LRP8: variants seen among roughly 807,000 people sequenced by gnomAD.
LRP8 encodes low-density lipoprotein receptor-related protein 8.
In LRP8, 46 loss-of-function variants were observed where a neutral mutation model predicts 111.6. The observed-to-expected ratio is 0.41, with a 90% CI of 0.33 to 0.53. The LOEUF is 0.53. Among genes scored for constraint, LRP8 ranks in the 20% least tolerant of loss-of-function variants. The probability of loss-of-function intolerance (pLI) is 0.20; values close to 1 mark genes in which losing one functional copy is unlikely to be tolerated. For missense variants in LRP8, 959 were observed against 1,297.4 expected (o/e 0.74, Z 4.01); for synonymous variants, 464 against 511.2 (o/e 0.91, Z 1.24).
intron 18 of LRP8, among the ~76,000 whole-genome samples, chr1:53,248,688 A>G (rs1376566016): frequency 6.6e-6 from 1 of 152,264 alleles, no homozygotes; most frequent in Admixed American, 6.5e-5. Context: ...TCTGACACAC[A>G]GTAGGTGCTC....
chr1:53,274,192 G>A (rs60134880), intron 6 of LRP8, among the ~76,000 whole-genome samples: 38 of 152,180 alleles, frequency 2.5e-4, no homozygotes, highest in Non-Finnish European at 4.3e-4. Flanking sequence ...ACTCCTCAGG[G>A]CTTAGGATGG....
At chr1:53,304,743 G>A (rs927118930) in intron 2 of LRP8, 4 of 152,458 alleles carry the variant, frequency 2.6e-5, no homozygotes, top group African/African-American at 9.6e-5. Flanking sequence ...GCAGTATGGG[G>A]ATGGTTCATG....
intron 18 of LRP8, among the ~76,000 whole-genome samples, chr1:53,248,271 CA>C (rs1645788935): frequency 6.6e-6 from 1 of 152,152 alleles, no homozygotes; most frequent in Non-Finnish European, 1.5e-5. Flanking sequence ...TTTATGAATG[CA>C]ATGGCCATCC....
In LRP8 at chr1:53,321,722, G is replaced by T. The variant is rs140629637; in HGVS notation, c.244+5151C>A. On this transcript the variant is annotated intron_variant, in intron 2 of 18. Transcript: ENST00000306052. The stretch of plus-strand genomic sequence containing the variant: ...CTGACCTGGGAGGGCCCAAGGGAAA[G>T]TCTTCAGCAAACACTCCCAAGGCCT... Among the ~76,000 whole-genome samples the T allele has an allele frequency of 8.3e-4, 126 of 152,294 alleles. 2 individuals are homozygous for T. The highest frequency in any genetic ancestry group is 2.6e-3 in the African/African-American group (110 of 41,548).
intron 2 of LRP8, among the ~76,000 whole-genome samples, chr1:53,295,767 C>T (rs1237155434): frequency 6.6e-6 from 1 of 152,204 alleles, no homozygotes; most frequent in Non-Finnish European, 1.5e-5. Context: ...TTCCTCCAGC[C>T]TTCCAAGCTT....
At position 53,323,627 on chromosome 1, in the gene LRP8, A is replaced by G. The variant is rs553173638; in HGVS notation, c.244+3246T>C. Among the ~76,000 whole-genome samples the G allele has an allele frequency of 5.3e-5, 8 of 152,338 alleles. No homozygotes were observed. The South Asian group carries it at 8.3e-4, about 16-fold the overall frequency. ...ACTTTGAAGGTTCTTTGAGCTGAGAACTAAAGCCCCAGGAGCTTTTCCCTC... is the reference window on the plus strand; with the variant it reads ...ACTTTGAAGGTTCTTTGAGCTGAGAGCTAAAGCCCCAGGAGCTTTTCCCTC... On this transcript the variant is annotated intron_variant, in intron 2 of 18. Transcript: ENST00000306052.
At chr1:53,260,977 G>A (rs1646314183) in intron 12 of LRP8, among the ~76,000 whole-genome samples, 1 of 152,190 alleles carries the variant, frequency 6.6e-6, no homozygotes, top group Non-Finnish European at 1.5e-5. Flanking sequence ...GTTATGCCTT[G>A]CTGGGCTTCC....
chr1:53,288,008 G>C (rs1170348745), intron 3 of LRP8: 1 of 152,054 alleles, frequency 6.6e-6, no homozygotes, highest in African/African-American at 2.4e-5. Context: ...AGGGGGAGAA[G>C]GGGAGCCTAG....
chr1:53,264,896 T>G (rs1169039431), intron 9 of LRP8, among the ~76,000 whole-genome samples: 2 of 152,018 alleles, frequency 1.3e-5, no homozygotes, highest in African/African-American at 4.8e-5. Flanking sequence ...TGCAAGCAGG[T>G]GTAGGCAGGA....
chr1:53,287,612 G>A (rs930024316), intron 3 of LRP8, among the ~76,000 whole-genome samples: 5 of 152,192 alleles, frequency 3.3e-5, no homozygotes, highest in African/African-American at 4.8e-5. Flanking sequence ...CAGAGAGCTC[G>A]AAGAGCCTTT....
chr1:53,259,139 G>A (rs1199411582), intron 13 of LRP8, among the ~76,000 whole-genome samples: 1 of 152,096 alleles, frequency 6.6e-6, no homozygotes, highest in Non-Finnish European at 1.5e-5. Context: ...TTGAGACAGG[G>A]TCTCACTCTG....
In LRP8 at chr1:53,262,344, T is replaced by C; in HGVS notation, c.1774+102A>G. ...GGCAACCATTAGGAAACAAAGTCAC[T>C]GGCACCATGAGAGGACCCAGAAACA... On this transcript the variant is annotated intron_variant, in intron 11 of 18. Transcript: ENST00000306052. The surrounding 1 kb of genome is among the most constrained non-coding windows in gnomAD (Gnocchi z 4.8). 6.6e-7 allele frequency: 1 copy of C among 1,516,828 alleles called. No homozygotes were observed. The allele number at this position is 1,516,828 out of a possible 1,614,324, so 94.0% of individuals were successfully genotyped here.
At chr1:53,264,877 G>C (rs142309987) in intron 9 of LRP8, among the ~76,000 whole-genome samples, 1 of 152,160 alleles carries the variant, frequency 6.6e-6, no homozygotes, top group Admixed American at 6.5e-5. Flanking sequence ...GCTTATGTGG[G>C]TGTCAGACTG....
Position 53,258,604 on chromosome 1 carries a change from C to A in LRP8, c.2057-133G>T, listed in dbSNP as rs192218870. ...ATACTTTTTTTTTCACATTTTTTTT[C>A]TTTTTCTTTCTTTTTTTATCCCCCA... On this transcript the variant is annotated intron_variant, in intron 13 of 18. Transcript: ENST00000306052. 1.4e-4 allele frequency: 102 copies of A among 731,908 alleles called. No individual in the cohort carries two copies. In the East Asian group the frequency reaches 2.3e-3, roughly 16 times the overall value. 45.3% of individuals were successfully genotyped at this position (731,908 alleles called of 1,614,324 possible).
At chr1:53,312,750 G>T (rs902369970) in intron 2 of LRP8, among the ~76,000 whole-genome samples, 4 of 152,150 alleles carry the variant, frequency 2.6e-5, no homozygotes, top group Admixed American at 6.5e-5. Flanking sequence ...GAGAGCAGTG[G>T]CCAGGGCTTG....
At position 53,327,835 on chromosome 1, in the gene LRP8, G is replaced by GAGCTGCAGC. The variant is rs1553199823; in HGVS notation, c.69_77dup (p.Leu24_Leu26dup). On this transcript the variant is annotated inframe_insertion, in exon 1 of 19. Transcript: ENST00000306052. ...CAGCCGCTGCCGCCGCAAGATGCTG[G>GAGCTGCAGC]AGCTGCAGCAGCAGCAGCAGCAGCA... 7 of 1,511,382 alleles carry GAGCTGCAGC rather than the reference G, an allele frequency of 4.6e-6. No homozygotes were observed. The highest frequency in any genetic ancestry group is 5.3e-6 in the Non-Finnish European group (6 of 1,136,092). The allele number at this position is 1,511,382 out of a possible 1,614,324, so 93.6% of individuals were successfully genotyped here.
rs1437146587 is a variant in LRP8, at chr1:53,293,077, G to A, written c.245-3388C>T. ...TGGTCAGACAGTGCCCAAAACAGCA[G>A]GGCAGGCTTGAAGAAGGTGATGATG... On this transcript the variant is annotated intron_variant, in intron 2 of 18. Coordinates refer to ENST00000306052, the MANE Select transcript of LRP8 (RefSeq NM_004631.5). The surrounding 1 kb of genome is among the most constrained non-coding windows in gnomAD (Gnocchi z 4.9). 6.6e-6 allele frequency among the ~76,000 whole-genome samples: 1 copy of A among 152,202 alleles called. No homozygotes were observed. Among genetic ancestry groups the A allele is most frequent in the Non-Finnish European group, 1.5e-5 (1 of 68,038 alleles).
intron 2 of LRP8, among the ~76,000 whole-genome samples, chr1:53,324,668 C>T (rs1019623839): frequency 1.3e-5 from 2 of 152,220 alleles, no homozygotes; most frequent in Non-Finnish European, 1.5e-5. Context: ...ATGCAGGAGC[C>T]CAGCTTGGCC....
At chr1:53,322,104 C>G (rs1654593616) in intron 2 of LRP8, among the ~76,000 whole-genome samples, 1 of 152,090 alleles carries the variant, frequency 6.6e-6, no homozygotes, top group Admixed American at 6.5e-5. Flanking sequence ...CTCAGTGAAA[C>G]CCCTCCCACC....
Sources: allele counts gnomAD v4.1 joint callset (sites outside exome capture counted in the v4.1 genomes callset), GRCh38; gene constraint gnomAD v4.1.1; non-coding constraint Gnocchi (gnomAD v3.1); transcripts MANE v1.5; gene names NCBI Gene and HGNC (gene_info 2026-07-23, HGNC 2026-07-21).